KIAA0586: variants seen among roughly 807,000 people sequenced by gnomAD.
The protein encoded by KIAA0586 is KIAA0586.
KIAA0586 carries 144 observed loss-of-function variants against 169.8 expected under a neutral mutation model. The ratio of observed to expected loss-of-function variants is 0.85; its 90% CI spans 0.74 to 0.97. The LOEUF is 0.97. Among genes scored for constraint, KIAA0586 ranks in the 50% least tolerant of loss-of-function variants. The pLI, the probability that KIAA0586 is intolerant of heterozygous loss-of-function variation, is 0.00. For synonymous variants in KIAA0586, 625 were observed against 612.4 expected, an observed-to-expected ratio of 1.02 and a Z score of -0.30; for missense variants, 1,854 against 1,823.0, an observed-to-expected ratio of 1.02 and a Z score of -0.31.
intron 14 of KIAA0586, among the ~76,000 whole-genome samples, chr14:58,464,681 A>T (rs575894275): frequency 6.6e-6 from 1 of 152,226 alleles, no homozygotes; most frequent in South Asian, 2.1e-4. Context: ...CCCCTTATTC[A>T]TGGGGGATGT....
At chr14:58,541,199 A>G (rs2046618193) in intron 30 of KIAA0586, among the ~76,000 whole-genome samples, 1 of 152,254 alleles carries the variant, frequency 6.6e-6, no homozygotes, top group Admixed American at 6.5e-5. Context: ...GAACAAATCA[A>G]TTTGGTTCAG....
In KIAA0586 at chr14:58,427,757, G is replaced by T; in HGVS notation, c.-508G>T. ...TACACCCACGACGGTGCGGGTCTCG[G>T]GCGTTCTGGAGATACGTAGGGGTGA... On this transcript the variant is annotated 5_prime_UTR_variant, in exon 1 of 31. Transcript: ENST00000652326. 2 of 1,532,474 alleles carry T rather than the reference G, an allele frequency of 1.3e-6. No individual in the cohort carries two copies. Among genetic ancestry groups the T allele is most frequent in the South Asian group, 2.4e-5 (2 of 83,622 alleles). The allele number at this position is 1,532,474 out of a possible 1,614,324, so 94.9% of individuals were successfully genotyped here.
chr14:58,457,512 C>A (rs1044721119), intron 10 of KIAA0586, among the ~76,000 whole-genome samples: 9 of 152,228 alleles, frequency 5.9e-5, no homozygotes. Flanking sequence ...AGGTGATCCA[C>A]CTGCCTCGGC....
chr14:58,446,162 G>A (rs72717000), intron 6 of KIAA0586, among the ~76,000 whole-genome samples: 2,109 of 151,914 alleles, frequency 0.014, 18 homozygotes, highest in Non-Finnish European at 0.023. Context: ...GAGTAACCGC[G>A]CCTGGCCTAC....
At chr14:58,473,158 A>G (rs747648061) in intron 18 of KIAA0586, among the ~76,000 whole-genome samples, 3 of 151,790 alleles carry the variant, frequency 2.0e-5, no homozygotes, top group South Asian at 2.1e-4. Flanking sequence ...TCATTTTTCA[A>G]TGGAATAATA....
chr14:58,472,324 T>C, intron 18 of KIAA0586, 45 bp downstream of exon 18: 1 of 1,119,316 alleles, frequency 8.9e-7, no homozygotes, highest in South Asian at 1.6e-5. Context: ...TCTACCGGTA[T>C]TTTTCCAGGT....
At chr14:58,556,080 A>G (rs2047239579), downstream of KIAA0586, among the ~76,000 whole-genome samples, 1 of 152,204 alleles carries the variant, frequency 6.6e-6, no homozygotes, top group African/African-American at 2.4e-5. Context: ...ACCATTTTCA[A>G]TCAGAGTAAC....
At chr14:58,466,561 C>A (rs958094693) in intron 15 of KIAA0586, among the ~76,000 whole-genome samples, 26 of 151,938 alleles carry the variant, frequency 1.7e-4, no homozygotes, top group Non-Finnish European at 3.7e-4. Context: ...CATAGCAAGA[C>A]CTTGTCTCAA....
chr14:58,477,693 CT>C (rs2041748588), intron 20 of KIAA0586, among the ~76,000 whole-genome samples: 1 of 152,046 alleles, frequency 6.6e-6, no homozygotes, highest in Non-Finnish European at 1.5e-5. Flanking sequence ...CTATGCCATT[CT>C]TTTCTCCATT....
intron 12 of KIAA0586, among the ~76,000 whole-genome samples, chr14:58,459,037 T>A (rs2040107343): frequency 6.6e-6 from 1 of 152,146 alleles, no homozygotes; most frequent in African/African-American, 2.4e-5. Flanking sequence ...CTGGGAGTTA[T>A]CTTTCTTAGA....
In KIAA0586 at chr14:58,549,796, A is replaced by G. The variant is rs1247898756; in HGVS notation, c.*1864A>G. ...CCCCCAACCTTGGTTTCTGGTTTTC[A>G]TAGTTTTTTCTGCCTTGGAAGGATT... On this transcript the variant is annotated 3_prime_UTR_variant, in exon 31 of 31. Coordinates refer to ENST00000652326, the MANE Select transcript of KIAA0586 (RefSeq NM_001329943.3). The G allele has an allele frequency of 6.6e-6, 1 of 152,158 alleles. No homozygotes were observed. Among genetic ancestry groups the G allele is most frequent in the African/African-American group, 2.4e-5 (1 of 41,434 alleles). 9.4% of individuals were successfully genotyped at this position (152,158 alleles called of 1,614,324 possible).
chr14:58,479,691 G>C (rs1295563640), intron 20 of KIAA0586, among the ~76,000 whole-genome samples: 1 of 152,154 alleles, frequency 6.6e-6, no homozygotes, highest in East Asian at 1.9e-4. Context: ...TTTGAGTTAA[G>C]TTTTATGGTG....
intron 30 of KIAA0586, among the ~76,000 whole-genome samples, chr14:58,542,455 T>A (rs1309962002): frequency 6.6e-6 from 1 of 151,208 alleles, no homozygotes. Context: ...CCAGCCTGGG[T>A]GACAGAGCGA....
At chr14:58,467,965 AT>A in intron 16 of KIAA0586, 43 bp downstream of exon 16, 3 of 1,446,528 alleles carry the variant, frequency 2.1e-6, no homozygotes, top group Middle Eastern at 1.8e-4. Flanking sequence ...GGAAGAAAAA[AT>A]TTTTTTGCTT....
In KIAA0586 at chr14:58,461,090, A is replaced by G. The variant is rs770662586; in HGVS notation, c.1989A>G (p.Pro663=). 2.7e-5 allele frequency: 43 copies of G among 1,611,990 alleles called. No homozygotes were observed. The highest frequency in any genetic ancestry group is 3.5e-5 in the Non-Finnish European group (41 of 1,178,966). Residue 663 remains proline (P), a synonymous_variant, in exon 14 of 31, where the codon CCA becomes CCG. Transcript: ENST00000652326. ...QGHRSTLKKG[P]YLRFNSPSPK... ...ATCGAAGCACTCTTAAAAAAGGACC[A>G]TATCTCAGATTTAATTCTCCATCTC...
intron 28 of KIAA0586, among the ~76,000 whole-genome samples, chr14:58,509,836 G>T (rs1010010923): frequency 2.0e-5 from 3 of 152,036 alleles, no homozygotes; most frequent in Non-Finnish European, 4.4e-5. Flanking sequence ...TTTTAAATTG[G>T]TCTTATCAAA....
At position 58,467,797 on chromosome 14, in the gene KIAA0586, C is replaced by G. The variant is rs1382449617; in HGVS notation, c.2317C>G (p.Pro773Ala). 2 of 1,613,372 alleles carry G rather than the reference C, an allele frequency of 1.2e-6. No homozygotes were observed. The highest frequency in any genetic ancestry group is 1.7e-6 in the Non-Finnish European group (2 of 1,179,558). The change falls in exon 16 of 31, where the codon CCT becomes GCT. Residue 773 changes from proline to alanine, a missense_variant. Pro to Ala is a conservative substitution (Grantham distance 27, BLOSUM62 -1). Transcript: ENST00000652326. Reference protein sequence around the residue: ...PAGVIVSKPHPVTVTTSIPPS... With the variant: ...PAGVIVSKPHAVTVTTSIPPS... ...TGGAGTGATTGTCAGCAAGCCACAC[C>G]CTGTAACTGTGACTACTTCTATTCC...
chr14:58,492,624 G>C lies in KIAA0586; in HGVS notation c.3990+349G>C, dbSNP rs187049060. 1.4e-3 allele frequency among the ~76,000 whole-genome samples: 212 copies of C among 152,308 alleles called. 1 individual carries two copies. The highest frequency in any genetic ancestry group is 3.9e-3 in the African/African-American group (164 of 41,570). On this transcript the variant is annotated intron_variant, in intron 26 of 30. Coordinates refer to ENST00000652326, the MANE Select transcript of KIAA0586 (RefSeq NM_001329943.3). Reference sequence around the variant, plus strand: ...TAAGCAGCTTACAGTCATGTAGGAAGATAAGGGCTTACACAAGTAATTATT... The same window carrying C: ...TAAGCAGCTTACAGTCATGTAGGAACATAAGGGCTTACACAAGTAATTATT...
Position 58,546,560 on chromosome 14 carries a change from C to A in KIAA0586, c.4496-1221C>A, listed in dbSNP as rs111411872. On this transcript the variant is annotated intron_variant, in intron 30 of 30. Coordinates refer to ENST00000652326, the MANE Select transcript of KIAA0586 (RefSeq NM_001329943.3). Reference sequence around the variant, plus strand: ...ATTTATTTTTAACGTATTTATTATTCTTATGTCTATGGTAAATCCATGAAA... The same window carrying A: ...ATTTATTTTTAACGTATTTATTATTATTATGTCTATGGTAAATCCATGAAA... Among the ~76,000 whole-genome samples, 208 of 152,168 alleles carry A rather than the reference C, an allele frequency of 1.4e-3. 1 individual carries two copies. Among genetic ancestry groups the A allele is most frequent in the Middle Eastern group, 6.8e-3 (2 of 292 alleles).
Sources: gnomAD v4.1 joint callset for allele counts (sites outside exome capture counted in the v4.1 genomes callset) on GRCh38, gnomAD v4.1.1 for gene constraint, MANE v1.5 for transcripts, NCBI Gene and HGNC (gene_info 2026-07-23, HGNC 2026-07-21) for gene names.